Variants in NCAM2 observed in about 807,000 individuals in gnomAD.
NCAM2 encodes the protein neural cell adhesion molecule 2.
Under a neutral mutation model 98.1 loss-of-function variants are expected in NCAM2, and 30 were observed. The ratio of observed to expected loss-of-function variants is 0.31; its 90% CI spans 0.23 to 0.41. The LOEUF is 0.41. Among genes scored for constraint, NCAM2 ranks in the 10% least tolerant of loss-of-function variants. NCAM2 has a pLI of 1.00. For synonymous variants in NCAM2, 368 were observed against 342.4 expected (o/e 1.07, Z -0.83); for missense variants, 867 against 1,005.8 (o/e 0.86, Z 1.87).
intron 1 of NCAM2, among the ~76,000 whole-genome samples, chr21:21,224,593 A>G (rs547577902): frequency 1.8e-4 from 28 of 152,268 alleles, no homozygotes; most frequent in Middle Eastern, 3.4e-3. Flanking sequence ...CTCATTTTAT[A>G]TACATTCATT....
intron 11 of NCAM2, among the ~76,000 whole-genome samples, chr21:21,425,453 A>G (rs888682616): frequency 1.1e-4 from 16 of 152,188 alleles, no homozygotes; most frequent in Non-Finnish European, 2.2e-4. Flanking sequence ...AATGCCCAGT[A>G]CTAAAGATAA....
chr21:21,324,167 C>T (rs1742062819), intron 5 of NCAM2, among the ~76,000 whole-genome samples: 1 of 152,010 alleles, frequency 6.6e-6, no homozygotes, highest in Non-Finnish European at 1.5e-5. Flanking sequence ...ACGTTGTGCA[C>T]ATGTACCCTA....
intron 1 of NCAM2, among the ~76,000 whole-genome samples, chr21:21,230,517 A>G (rs866331597): frequency 3.3e-5 from 5 of 151,318 alleles, no homozygotes; most frequent in African/African-American, 1.2e-4. Context: ...CTTTCATCCT[A>G]TAAGTAGAAA....
chr21:21,214,722 CATATATATATAT>C (rs1555829682), intron 1 of NCAM2, among the ~76,000 whole-genome samples: 43 of 92,608 alleles, frequency 4.6e-4, no homozygotes, highest in Non-Finnish European at 7.3e-4. Context: ...ATATATATTC[CATATATATATAT>C]ATATATATAT....
At chr21:21,392,961 C>A (rs543951310) in intron 9 of NCAM2, among the ~76,000 whole-genome samples, 4 of 151,928 alleles carry the variant, frequency 2.6e-5, no homozygotes, top group Non-Finnish European at 4.4e-5. Flanking sequence ...TAATTATACC[C>A]CGTCAATTTT....
intron 5 of NCAM2, among the ~76,000 whole-genome samples, chr21:21,324,169 T>C (rs1277781356): frequency 3.3e-5 from 5 of 152,154 alleles, no homozygotes; most frequent in African/African-American, 1.2e-4. Flanking sequence ...GTTGTGCACA[T>C]GTACCCTAGA....
intron 1 of NCAM2, among the ~76,000 whole-genome samples, chr21:21,088,730 C>T (rs1374876175): frequency 3.3e-5 from 5 of 152,054 alleles, no homozygotes; most frequent in South Asian, 2.1e-4. Context: ...CGGTGGCTCA[C>T]GCCTGTAATC....
At chr21:21,003,351 T>C (rs1333139827) in intron 1 of NCAM2, among the ~76,000 whole-genome samples, 1 of 152,176 alleles carries the variant, frequency 6.6e-6, no homozygotes, top group East Asian at 1.9e-4. Flanking sequence ...AAATCTTTCT[T>C]GGCTCCATTT....
chr21:21,387,699 G>A (rs73894647), intron 9 of NCAM2, among the ~76,000 whole-genome samples: 151 of 152,278 alleles, frequency 9.9e-4, no homozygotes, highest in African/African-American at 3.4e-3. Flanking sequence ...GGTTAGGGTT[G>A]TAATTAAATT....
chr21:21,081,799 T>G (rs1444191492), intron 1 of NCAM2, among the ~76,000 whole-genome samples: 3 of 149,702 alleles, frequency 2.0e-5, no homozygotes, highest in Non-Finnish European at 4.4e-5. Context: ...AGACTCCCTC[T>G]CAAAGAAAAA....
At chr21:21,062,676 C>T (rs2065347695) in intron 1 of NCAM2, among the ~76,000 whole-genome samples, 1 of 152,250 alleles carries the variant, frequency 6.6e-6, no homozygotes, top group African/African-American at 2.4e-5. Context: ...AACGAATGCA[C>T]CAACTAGTAG....
intron 1 of NCAM2, among the ~76,000 whole-genome samples, chr21:21,268,800 CTTCACTTAAA>C (rs974830824): frequency 6.6e-6 from 1 of 152,172 alleles, no homozygotes; most frequent in Non-Finnish European, 1.5e-5. Flanking sequence ...GAATTTGCCC[CTTCACTTAAA>C]TTCTTTAGCA....
chr21:21,321,767 C>A (rs995325876), intron 5 of NCAM2, among the ~76,000 whole-genome samples: 1 of 152,014 alleles, frequency 6.6e-6, no homozygotes, highest in South Asian at 2.1e-4. Context: ...CAATGAGATA[C>A]CATCTCACAC....
At chr21:21,477,540 G>T in intron 15 of NCAM2, 69 bp downstream of exon 15, 1 of 1,201,630 alleles carries the variant, frequency 8.3e-7, no homozygotes, top group South Asian at 2.3e-5. Flanking sequence ...AACCCTTACT[G>T]ACTTTTCTTA....
At chr21:21,430,182 C>G (rs1173040250) in intron 11 of NCAM2, among the ~76,000 whole-genome samples, 1 of 151,812 alleles carries the variant, frequency 6.6e-6, no homozygotes, top group Non-Finnish European at 1.5e-5. Flanking sequence ...GCACACTCCA[C>G]TACACCCGGC....
At chr21:21,125,458 A>T (rs1449977352) in intron 1 of NCAM2, among the ~76,000 whole-genome samples, 1 of 22,456 alleles carries the variant, frequency 4.5e-5, no homozygotes, top group Non-Finnish European at 1.4e-4. Flanking sequence ...TTACATATAT[A>T]GAGACAGATA....
intron 1 of NCAM2, among the ~76,000 whole-genome samples, chr21:21,059,840 C>T (rs761678631): frequency 6.6e-6 from 1 of 152,032 alleles, no homozygotes; most frequent in Admixed American, 6.6e-5. Context: ...GCTAAATATG[C>T]TACAGGGAAA....
At chr21:21,424,232 C>T (rs2077169004) in intron 11 of NCAM2, among the ~76,000 whole-genome samples, 1 of 152,140 alleles carries the variant, frequency 6.6e-6, no homozygotes, top group Admixed American at 6.6e-5. Flanking sequence ...ATCAGGATAA[C>T]TTGACATTAT....
At chr21:21,442,069 C>T (rs1024849318) in intron 12 of NCAM2, among the ~76,000 whole-genome samples, 1 of 152,162 alleles carries the variant, frequency 6.6e-6, no homozygotes, top group Non-Finnish European at 1.5e-5. Context: ...ACTGATATAA[C>T]ACATTGTAAG....
Sources: allele counts gnomAD v4.1 joint callset (sites outside exome capture counted in the v4.1 genomes callset), GRCh38; gene constraint gnomAD v4.1.1; transcripts MANE v1.5; gene names NCBI Gene and HGNC (gene_info 2026-07-23, HGNC 2026-07-21).